Variants in AASS observed in about 807,000 individuals in gnomAD.
AASS encodes the protein alpha-aminoadipic semialdehyde synthase, mitochondrial.
Under a neutral mutation model 105.4 loss-of-function variants are expected in AASS, and 86 were observed. The ratio of observed to expected loss-of-function variants is 0.82; its 90% CI spans 0.69 to 0.98. The LOEUF is 0.98. AASS is among the 50% of genes least tolerant of loss of function. AASS has a pLI of 0.00. For synonymous variants in AASS, 381 were observed against 394.8 expected (o/e 0.96, Z 0.41); for missense variants, 1,048 against 1,143.2 (o/e 0.92, Z 1.20).
chr7:122,099,467 A>G (rs1794327516), intron 13 of AASS, among the ~76,000 whole-genome samples: 1 of 151,934 alleles, frequency 6.6e-6, no homozygotes, highest in South Asian at 2.1e-4. Context: ...ATTCTTGAAC[A>G]GTCTATTCTG....
In AASS at chr7:122,103,009, G is replaced by T. The variant is rs77101707; in HGVS notation, c.1279-1329C>A. 4.4e-3 allele frequency among the ~76,000 whole-genome samples: 665 copies of T among 151,968 alleles called. 18 individuals carry two copies. The East Asian group carries it at 0.085, about 20-fold the overall frequency. ...GTTCAAAAAATAAAAGGACAATATA[G>T]ATAACTTTTTTAAAAAATGTAAAAC... On this transcript the variant is annotated intron_variant, in intron 11 of 23. Transcript: ENST00000417368.
At chr7:122,079,325 C>A in intron 21 of AASS, 1 of 1,360,166 alleles carries the variant, frequency 7.4e-7, no homozygotes, top group Non-Finnish European at 9.5e-7. Context: ...TACTCCAAAT[C>A]TCCTACAGGA....
intron 11 of AASS, among the ~76,000 whole-genome samples, chr7:122,112,373 G>A (rs755563817): frequency 2.6e-5 from 4 of 152,130 alleles, no homozygotes; most frequent in Non-Finnish European, 5.9e-5. Context: ...GAAAAAGAAA[G>A]GGTCAAAATG....
chr7:122,115,212 T>C lies in AASS; in HGVS notation c.905A>G (p.Tyr302Cys). The change falls in exon 9 of 24, where the codon TAT (tyrosine) becomes TGT (cysteine). Residue 302 changes from tyrosine to cysteine, a missense_variant. Physicochemically the swap from Tyr to Cys is radical, Grantham distance 194. Coordinates refer to ENST00000417368, the MANE Select transcript of AASS (RefSeq NM_005763.4). Reference sequence around the variant, plus strand: ...GATTCCATTAATTAAGCAAGTTGTATAGGGTGCAATCTGTAATGCAAGTTC... The same window carrying C: ...GATTCCATTAATTAAGCAAGTTGTACAGGGTGCAATCTGTAATGCAAGTTC... ...ISRFNTDIAP[Y>C]TTCLINGIYW... is the part of the protein sequence containing the mutation. The C allele has an allele frequency of 1.9e-6, 3 of 1,614,110 alleles. No homozygotes were observed. Among genetic ancestry groups the C allele is most frequent in the South Asian group, 1.1e-5 (1 of 91,080 alleles).
At chr7:122,102,319 C>T (rs1584848207) in intron 11 of AASS, among the ~76,000 whole-genome samples, 4 of 151,962 alleles carry the variant, frequency 2.6e-5, no homozygotes, top group African/African-American at 9.7e-5. Context: ...CAGCAACCTT[C>T]TAGTCCTCCT....
chr7:122,091,906 A>C, intron 17 of AASS, 63 bp from the exon 18 acceptor site: 1 of 1,178,788 alleles, frequency 8.5e-7, no homozygotes, highest in Non-Finnish European at 1.2e-6. Flanking sequence ...CTAAGTAATT[A>C]ATTGAAGACA....
chr7:122,079,063 T>G, intron 21 of AASS, 113 bp from the exon 22 acceptor site: 18 of 1,591,404 alleles, frequency 1.1e-5, no homozygotes, highest in Non-Finnish European at 1.5e-5. Context: ...TACAAGGTGG[T>G]AACTCAAGTT....
At chr7:122,119,667 G>C (rs1795349420) in intron 4 of AASS, among the ~76,000 whole-genome samples, 1 of 152,168 alleles carries the variant, frequency 6.6e-6, no homozygotes, top group Non-Finnish European at 1.5e-5. Flanking sequence ...AAAATGTATA[G>C]TTTGGTAACT....
rs865999866 is a variant in AASS, at chr7:122,086,280, A to T, written c.2017-101T>A. 10 of 1,179,756 alleles carry T rather than the reference A, an allele frequency of 8.5e-6. No individual in the cohort carries two copies. In the Middle Eastern group the frequency reaches 1.2e-3, roughly 141 times the overall value. The allele number at this position is 1,179,756 out of a possible 1,614,324, so 73.1% of individuals were successfully genotyped here. A position where few individuals can be genotyped will look rare whatever the true frequency, so the allele number is the denominator to read the frequency against. ...AAAGAAAGCAACAGAAATTTGAAAAAAAAAATAAAAATAATGAAACCACCA... is the reference window on the plus strand; with the variant it reads ...AAAGAAAGCAACAGAAATTTGAAAATAAAAATAAAAATAATGAAACCACCA... On this transcript the variant is annotated intron_variant, in intron 18 of 23. Transcript: ENST00000417368.
Position 122,078,897 on chromosome 7 carries a change from G to A in AASS, c.2450C>T (p.Ala817Val), listed in dbSNP as rs1198523279. Residue 817 changes from alanine to valine, a missense_variant, in exon 22 of 24, where the codon GCC (alanine) becomes GTC (valine). Ala to Val is a moderately conservative substitution (Grantham distance 64). Coordinates refer to ENST00000417368, the MANE Select transcript of AASS (RefSeq NM_005763.4). ...CTTCATGACCAAATGCTTGGAGAGGGCATCCAGAATGGACTCTGCCTGAGG... is the reference window on the plus strand; with the variant it reads ...CTTCATGACCAAATGCTTGGAGAGGACATCCAGAATGGACTCTGCCTGAGG... ...QVPQAESILD[A>V]LSKHLVMKLS... is the part of the protein sequence containing the mutation. 3 of 1,613,942 alleles carry A rather than the reference G, an allele frequency of 1.9e-6. No individual in the cohort carries two copies. Among genetic ancestry groups the A allele is most frequent in the Non-Finnish European group, 1.7e-6 (2 of 1,180,012 alleles).
rs1225782196 is a variant in AASS at position 122,101,664 on chromosome 7, G to A, written c.1295C>T (p.Thr432Ile). ...AAAATTCTGACTTTCAAGAGGCTGT[G>A]TCGCGTCTGATAATATCTGAAAGGA... is the stretch of plus-strand genomic sequence containing the variant. ...YVEEMILSDA[T>I]QPLESQNFSP... Residue 432 changes from threonine to isoleucine, a missense_variant, in exon 12 of 24, where the codon ACA becomes ATA. Thr to Ile is a moderately conservative substitution (Grantham distance 89, BLOSUM62 -1). Coordinates refer to ENST00000417368, the MANE Select transcript of AASS (RefSeq NM_005763.4). 1 of 1,611,258 alleles carries A rather than the reference G, an allele frequency of 6.2e-7. No homozygotes were observed. The highest frequency in any genetic ancestry group is 2.2e-5 in the East Asian group (1 of 44,790).
intron 18 of AASS, among the ~76,000 whole-genome samples, chr7:122,086,788 A>T (rs1163387201): frequency 6.6e-6 from 1 of 152,156 alleles, no homozygotes; most frequent in Non-Finnish European, 1.5e-5. Flanking sequence ...TTTATTGAGC[A>T]GTTACTATCT....
At chr7:122,100,288 A>T (rs1209507171) in intron 13 of AASS, among the ~76,000 whole-genome samples, 1 of 151,860 alleles carries the variant, frequency 6.6e-6, no homozygotes, top group East Asian at 1.9e-4. Flanking sequence ...CACTAGTTTC[A>T]GTAGTGTAAA....
intron 6 of AASS, among the ~76,000 whole-genome samples, chr7:122,118,088 T>TACAC (rs985387741): frequency 1.3e-5 from 2 of 151,970 alleles, no homozygotes; most frequent in South Asian, 4.2e-4. Flanking sequence ...CACTTACACA[T>TACAC]ACACACACAC....
chr7:122,081,616 C>A (rs1214136111), intron 19 of AASS, 21 bp from the exon 20 acceptor site: 5 of 1,555,936 alleles, frequency 3.2e-6, no homozygotes, highest in Non-Finnish European at 4.4e-6. Context: ...AATTAATAAG[C>A]AGTATATAAA....
In AASS at chr7:122,077,919, A is replaced by G; in HGVS notation, c.2581T>C (p.Tyr861His). The G allele has an allele frequency of 6.2e-7, 1 of 1,614,180 alleles. No individual in the cohort carries two copies. Among genetic ancestry groups the G allele is most frequent in the Non-Finnish European group, 8.5e-7 (1 of 1,180,020 alleles). The change falls in exon 23 of 24, where the codon TAT becomes CAT. Residue 861 changes from tyrosine (Y) to histidine (H), a missense_variant. Coordinates refer to ENST00000417368, the MANE Select transcript of AASS (RefSeq NM_005763.4). ...LEHKTIDLVA[Y>H]GDINGFSAMA... ...GCTGAAAAGCCATTGATGTCCCCATAAGCCACAAGATCAATCGTTTTATGT... is the reference window on the plus strand; with the variant it reads ...GCTGAAAAGCCATTGATGTCCCCATGAGCCACAAGATCAATCGTTTTATGT...
At chr7:122,106,663 C>T (rs1055652010) in intron 11 of AASS, among the ~76,000 whole-genome samples, 1 of 152,044 alleles carries the variant, frequency 6.6e-6, no homozygotes, top group Admixed American at 6.6e-5. Context: ...GGAAAGGACT[C>T]CCTGTTTAAT....
intron 11 of AASS, among the ~76,000 whole-genome samples, chr7:122,102,272 GA>G (rs1300019343): frequency 6.6e-6 from 1 of 151,768 alleles, no homozygotes; most frequent in Non-Finnish European, 1.5e-5. Flanking sequence ...TTGAGTCAGA[GA>G]CAACAAAAAA....
At chr7:122,130,573 G>T (rs1795863224) in intron 2 of AASS, among the ~76,000 whole-genome samples, 1 of 151,894 alleles carries the variant, frequency 6.6e-6, no homozygotes, top group African/African-American at 2.4e-5. Context: ...GAAACCTGAG[G>T]CTTACAAACT....
Sources: gnomAD v4.1 joint callset for allele counts (sites outside exome capture counted in the v4.1 genomes callset) on GRCh38, gnomAD v4.1.1 for gene constraint, MANE v1.5 for transcripts, NCBI Gene and HGNC (gene_info 2026-07-23, HGNC 2026-07-21) for gene names.